The following DDX60 variants were observed in gnomAD, a reference collection of about 807,000 sequenced individuals.
DDX60 encodes probable ATP-dependent RNA helicase DDX60.
Under a neutral mutation model 212.8 loss-of-function variants are expected in DDX60, and 165 were observed. The observed-to-expected ratio is 0.78, with a 90% confidence interval of 0.68 to 0.88. The LOEUF (loss-of-function observed/expected upper bound fraction) is 0.88. Ranked by LOEUF, DDX60 falls within the 40% of genes least tolerant of loss-of-function variation. The pLI, the probability that DDX60 is intolerant of heterozygous loss-of-function variation, is 0.00. For missense variants in DDX60, 1,905 were observed against 2,003.9 expected (o/e 0.95, Z 0.94); for synonymous variants, 703 against 685.3 (o/e 1.03, Z -0.40).
At chr4:168,272,445 C>A (rs1199405459) in intron 18 of DDX60, among the ~76,000 whole-genome samples, 1 of 152,096 alleles carries the variant, frequency 6.6e-6, no homozygotes, top group East Asian at 1.9e-4. Context: ...TCTTTAAAAC[C>A]TGACACTGAC....
At chr4:168,261,155 C>T (rs1369597402) in intron 24 of DDX60, among the ~76,000 whole-genome samples, 166 bp from the exon 25 acceptor site, 1 of 151,966 alleles carries the variant, frequency 6.6e-6, no homozygotes, top group African/African-American at 2.4e-5. Context: ...ATCAAAGAAA[C>T]ATACAAACCC....
rs745796769 is a variant in DDX60 at position 168,246,499 on chromosome 4, G to C, written c.4083C>G (p.His1361Gln). Residue 1361 changes from histidine (H) to glutamine (Q), a missense_variant, in exon 30 of 38, where the codon CAC (histidine) becomes CAG (glutamine). By Grantham distance (24) the His-to-Gln change is conservative. Transcript: ENST00000393743. ...IKSNVPELRG[H>Q]FPLSITLVLR... Reference sequence around the variant, plus strand: ...GGACCAGGGTTATGCTGAGAGGGAAGTGTCCTCTCAGCTCAGGAACATTGG... The same window carrying C: ...GGACCAGGGTTATGCTGAGAGGGAACTGTCCTCTCAGCTCAGGAACATTGG... 3 of 1,614,082 alleles carry C rather than the reference G, an allele frequency of 1.9e-6. No individual in the cohort carries two copies. Among genetic ancestry groups the C allele is most frequent in the Non-Finnish European group, 1.7e-6 (2 of 1,179,996 alleles).
At chr4:168,252,118 G>A (rs567380384) in intron 27 of DDX60, among the ~76,000 whole-genome samples, 1 of 152,306 alleles carries the variant, frequency 6.6e-6, no homozygotes, top group African/African-American at 2.4e-5. Context: ...AATGCAGCAT[G>A]TGAAATTGAA....
At chr4:168,294,673 T>C (rs1276027259) in intron 6 of DDX60, among the ~76,000 whole-genome samples, 1 of 152,056 alleles carries the variant, frequency 6.6e-6, no homozygotes. Flanking sequence ...GGCTAATTTT[T>C]GTATTTTTAG....
chr4:168,303,219 G>A (rs1037137414), intron 5 of DDX60, among the ~76,000 whole-genome samples: 12 of 150,856 alleles, frequency 8.0e-5, no homozygotes, highest in Admixed American at 6.6e-4. Flanking sequence ...GGAGAATGGC[G>A]AGAACCCGGG....
intron 30 of DDX60, 101 bp from the exon 31 acceptor site, chr4:168,237,896 G>A (rs941903008): frequency 2.5e-6 from 2 of 805,320 alleles, no homozygotes; most frequent in Non-Finnish European, 3.6e-6. Context: ...ATACCACAAA[G>A]ATATCAGAAA....
At chr4:168,223,576 C>A (rs945484431) in intron 35 of DDX60, among the ~76,000 whole-genome samples, 1 of 151,770 alleles carries the variant, frequency 6.6e-6, no homozygotes, top group Non-Finnish European at 1.5e-5. Flanking sequence ...TTTAACACAC[C>A]AACATTTATT....
rs1451330059 is a variant in DDX60, at chr4:168,285,479, C to A, written c.1359G>T (p.Val453=). 6.2e-7 allele frequency: 1 copy of A among 1,609,020 alleles called. No individual in the cohort carries two copies. Among genetic ancestry groups the A allele is most frequent in the Non-Finnish European group, 8.5e-7 (1 of 1,178,242 alleles). ...ACGTTGGAATAAAACCCAAATTGGG[C>A]ACCATTTCATTGGAGCTGTCTGTAA... ...SPIKDSSNEM[V]PNLGFIPTSS... is the part of the protein sequence containing the mutation. The change falls in exon 11 of 38, where the codon GTG becomes GTT. Residue 453 remains valine, a synonymous_variant. Transcript: ENST00000393743.
intron 1 of DDX60, among the ~76,000 whole-genome samples, chr4:168,314,308 A>G (rs1383099968): frequency 6.8e-6 from 1 of 147,668 alleles, no homozygotes; most frequent in African/African-American, 2.6e-5. Flanking sequence ...TGTAGTAACT[A>G]ATGATTGAAC....
At chr4:168,269,835 C>G (rs1375554060) in intron 19 of DDX60, among the ~76,000 whole-genome samples, 1 of 152,140 alleles carries the variant, frequency 6.6e-6, no homozygotes, top group Non-Finnish European at 1.5e-5. Flanking sequence ...CCCTTTCTAC[C>G]CAAGAGCTTT....
chr4:168,303,996 TA>T (rs1486374687), intron 5 of DDX60, among the ~76,000 whole-genome samples: 4 of 151,630 alleles, frequency 2.6e-5, no homozygotes, highest in Non-Finnish European at 4.4e-5. Context: ...AAAACAACAA[TA>T]AAAAAAGTAC....
chr4:168,248,358 C>A lies in DDX60; in HGVS notation c.3859-66G>T. 5 of 1,236,278 alleles carry A rather than the reference C, an allele frequency of 4.0e-6. No individual in the cohort carries two copies. In the South Asian group the frequency reaches 8.0e-5, roughly 20 times the overall value. 76.6% of individuals were successfully genotyped at this position (1,236,278 alleles called of 1,614,324 possible). Reference sequence around the variant, plus strand: ...TTAATAGAATGCAAGTATTTCCTGTCATAAAGTTGCTGAAAAACTCTTTGA... The same window carrying A: ...TTAATAGAATGCAAGTATTTCCTGTAATAAAGTTGCTGAAAAACTCTTTGA... On this transcript the variant is annotated intron_variant, in intron 28 of 37. Coordinates refer to ENST00000393743, the MANE Select transcript of DDX60 (RefSeq NM_017631.6).
rs576472593 is a variant in DDX60, at chr4:168,294,497, T to C, written c.724-552A>G. On this transcript the variant is annotated intron_variant, in intron 6 of 37. Transcript: ENST00000393743. ...CAAACGATACATTTATTTATTTATT[T>C]ATTTATTTATTTATTTATTTAGAGA... 1.5e-3 allele frequency among the ~76,000 whole-genome samples: 227 copies of C among 151,968 alleles called. 1 individual carries two copies. The highest frequency in any genetic ancestry group is 4.9e-3 in the African/African-American group (203 of 41,448).
intron 1 of DDX60, among the ~76,000 whole-genome samples, chr4:168,318,083 C>T (rs1341569641): frequency 6.6e-6 from 1 of 152,160 alleles, no homozygotes; most frequent in Non-Finnish European, 1.5e-5. Context: ...ACTATACCTG[C>T]CCCTTGACCA....
At chr4:168,278,745 C>T (rs1400111977) in intron 14 of DDX60, among the ~76,000 whole-genome samples, 1 of 152,168 alleles carries the variant, frequency 6.6e-6, no homozygotes, top group Admixed American at 6.5e-5. Context: ...AGCAGAATAG[C>T]TTGAACCCAG....
intron 16 of DDX60, 66 bp downstream of exon 16, chr4:168,275,279 T>C: frequency 7.2e-7 from 1 of 1,387,580 alleles, no homozygotes; most frequent in Non-Finnish European, 9.7e-7. Context: ...GCCACAATAA[T>C]GAGAAACCTC....
intron 19 of DDX60, among the ~76,000 whole-genome samples, chr4:168,271,356 G>A (rs1445820237): frequency 6.6e-6 from 1 of 152,180 alleles, no homozygotes; most frequent in African/African-American, 2.4e-5. Context: ...TTTGGCCTAT[G>A]AAGGGTCTTG....
chr4:168,301,286 G>A (rs1371176204), intron 6 of DDX60, among the ~76,000 whole-genome samples: 1 of 152,116 alleles, frequency 6.6e-6, no homozygotes, highest in African/African-American at 2.4e-5. Context: ...TAGTAGCAAT[G>A]ACACCCCAGT....
In DDX60 at chr4:168,283,964, T is replaced by C. The variant is rs144228236; in HGVS notation, c.1562-358A>G. ...AAGATATTCTGACTTCTTGTATCACTGGATAGAAAAAATCCTTACTCCGGA... is the reference window on the plus strand; with the variant it reads ...AAGATATTCTGACTTCTTGTATCACCGGATAGAAAAAATCCTTACTCCGGA... On this transcript the variant is annotated intron_variant, in intron 12 of 37. Transcript: ENST00000393743. Among the ~76,000 whole-genome samples the C allele has an allele frequency of 3.9e-3, 589 of 152,240 alleles. 2 individuals are homozygous for C. The highest frequency in any genetic ancestry group is 0.013 in the African/African-American group (540 of 41,534).
Sources: allele counts gnomAD v4.1 joint callset (sites outside exome capture counted in the v4.1 genomes callset), GRCh38; gene constraint gnomAD v4.1.1; transcripts MANE v1.5; gene names NCBI Gene and HGNC (gene_info 2026-07-23, HGNC 2026-07-21).